The following LUZP2 variants were observed in gnomAD, a reference collection of about 807,000 sequenced individuals.
LUZP2 encodes leucine zipper protein 2.
A neutral mutation model predicts 51.6 loss-of-function variants in LUZP2; 52 were observed. The ratio of observed to expected loss-of-function variants is 1.01; its 90% CI spans 0.81 to 1.27. The LOEUF is 1.27. Among genes scored for constraint, LUZP2 ranks in the 50% most tolerant of loss-of-function variants. LUZP2 has a pLI of 0.00. For synonymous variants in LUZP2, 154 were observed against 137.3 expected, an observed-to-expected ratio of 1.12 and a Z score of -0.85; for missense variants, 436 against 395.4, an observed-to-expected ratio of 1.10 and a Z score of -0.87.
At chr11:24,640,104 T>C (rs542690295) in intron 1 of LUZP2, among the ~76,000 whole-genome samples, 64 of 152,014 alleles carry the variant, frequency 4.2e-4, no homozygotes, top group Admixed American at 7.2e-4. Context: ...TTGACATCTG[T>C]ATTTCAAAGA....
chr11:24,982,993 A>G, intron 8 of LUZP2, 133 bp from the exon 9 acceptor site: 1 of 783,834 alleles, frequency 1.3e-6, no homozygotes, highest in Non-Finnish European at 2.0e-6. Flanking sequence ...TGAAATTTAT[A>G]AATTAGGCAA....
intron 7 of LUZP2, among the ~76,000 whole-genome samples, chr11:24,970,390 T>C (rs1855709139): frequency 6.6e-6 from 1 of 152,162 alleles, no homozygotes; most frequent in Non-Finnish European, 1.5e-5. Context: ...CAGAGGAAAG[T>C]AAGGTATAGT....
intron 4 of LUZP2, among the ~76,000 whole-genome samples, chr11:24,749,105 G>A (rs1392410508): frequency 6.6e-6 from 1 of 152,174 alleles, no homozygotes; most frequent in African/African-American, 2.4e-5. Context: ...TAAGGATGTA[G>A]TTAGAAAATG....
chr11:24,926,407 A>ATATATG (rs1854259135), intron 7 of LUZP2, among the ~76,000 whole-genome samples: 1 of 113,138 alleles, frequency 8.8e-6, no homozygotes, highest in African/African-American at 3.5e-5. Flanking sequence ...ATATATATAT[A>ATATATG]CGTGTGTATA....
At chr11:24,535,189 C>G (rs1170359102) in intron 1 of LUZP2, among the ~76,000 whole-genome samples, 1 of 150,528 alleles carries the variant, frequency 6.6e-6, no homozygotes, top group Non-Finnish European at 1.5e-5. Context: ...TTCCTAAATC[C>G]TGTTTTGCTA....
chr11:24,976,948 A>G (rs1590796278), intron 8 of LUZP2, among the ~76,000 whole-genome samples: 1 of 151,782 alleles, frequency 6.6e-6, no homozygotes, highest in African/African-American at 2.4e-5. Context: ...AATACCATGA[A>G]TAAACATGCT....
chr11:24,974,734 G>A (rs1227568415), intron 7 of LUZP2, among the ~76,000 whole-genome samples: 1 of 151,936 alleles, frequency 6.6e-6, no homozygotes, highest in Non-Finnish European at 1.5e-5. Context: ...ACGATAAGAA[G>A]AAAATTATGC....
intron 3 of LUZP2, among the ~76,000 whole-genome samples, chr11:24,736,982 C>T (rs1471130739): frequency 6.6e-6 from 1 of 152,014 alleles, no homozygotes; most frequent in African/African-American, 2.4e-5. Flanking sequence ...CTTTCTTTCT[C>T]ATTCTTGAAA....
chr11:24,929,316 CTATT>C (rs1289792918), intron 7 of LUZP2, among the ~76,000 whole-genome samples: 2 of 151,918 alleles, frequency 1.3e-5, no homozygotes, highest in African/African-American at 2.4e-5. Context: ...CTTAGATTGT[CTATT>C]TGTGCTTTTC....
chr11:24,908,327 G>A (rs1199539071), intron 6 of LUZP2, among the ~76,000 whole-genome samples: 1 of 152,066 alleles, frequency 6.6e-6, no homozygotes, highest in African/African-American at 2.4e-5. Flanking sequence ...GTTTGAACAT[G>A]AAATTATAAG....
At position 24,543,836 on chromosome 11, in the gene LUZP2, A is replaced by AAAAAAAAAC. The variant is rs1851456286; in HGVS notation, c.62+46539_62+46540insCAAAAAAAA. Among the ~76,000 whole-genome samples the AAAAAAAAAC allele has an allele frequency of 4.0e-5, 6 of 151,036 alleles. No individual in the cohort carries two copies. The South Asian group carries it at 1.3e-3, about 32-fold the overall frequency. ...GACTCTGTCTCACAAAAAAAAAAAA[A>AAAAAAAAAC]AAAAAAAAAGATGGATCAAGGGACT... On this transcript the variant is annotated intron_variant, in intron 1 of 11. Transcript: ENST00000336930.
intron 10 of LUZP2, among the ~76,000 whole-genome samples, chr11:25,068,164 TG>T (rs1308397108): frequency 2.0e-5 from 3 of 151,676 alleles, no homozygotes; most frequent in Non-Finnish European, 4.4e-5. Flanking sequence ...GGGGGCCTGT[TG>T]GGGGCTGGGG....
At chr11:24,897,519 G>A (rs1029899181) in intron 5 of LUZP2, among the ~76,000 whole-genome samples, 2 of 151,978 alleles carry the variant, frequency 1.3e-5, no homozygotes, top group Non-Finnish European at 2.9e-5. Flanking sequence ...CCGAGGCGCT[G>A]CATTAAGAGC....
At chr11:24,740,788 G>T (rs1859107609) in intron 4 of LUZP2, among the ~76,000 whole-genome samples, 1 of 152,072 alleles carries the variant, frequency 6.6e-6, no homozygotes, top group Non-Finnish European at 1.5e-5. Context: ...TTAGCTGAAT[G>T]AATATAAGCA....
At chr11:24,759,441 A>G (rs982818204) in intron 4 of LUZP2, among the ~76,000 whole-genome samples, 9 of 152,120 alleles carry the variant, frequency 5.9e-5, no homozygotes, top group African/African-American at 1.9e-4. Context: ...AATATATTTT[A>G]TGTCTTGAAT....
rs185602633 is a variant in LUZP2 at position 24,976,560 on chromosome 11, T to A, written c.523-31T>A. On this transcript the variant is annotated intron_variant, in intron 7 of 11. Transcript: ENST00000336930. ...AAAGTACAGAGGGAAATTGCAGAAT[T>A]TATCTAGAAGATTTATCTCTTATTT... The A allele has an allele frequency of 2.6e-5, 39 of 1,503,908 alleles. No homozygotes were observed. The African/African-American group carries it at 5.6e-4, about 22-fold the overall frequency. 93.2% of individuals were successfully genotyped at this position (1,503,908 alleles called of 1,614,324 possible). A position where few individuals can be genotyped will look rare whatever the true frequency, so the allele number is the denominator to read the frequency against.
At chr11:24,608,294 A>G (rs1474028771) in intron 1 of LUZP2, among the ~76,000 whole-genome samples, 1 of 152,248 alleles carries the variant, frequency 6.6e-6, no homozygotes, top group East Asian at 1.9e-4. Context: ...CAGAGTGAGT[A>G]TAATTCTACA....
At chr11:24,781,717 T>A (rs1473800779) in intron 5 of LUZP2, among the ~76,000 whole-genome samples, 1 of 152,066 alleles carries the variant, frequency 6.6e-6, no homozygotes, top group Non-Finnish European at 1.5e-5. Flanking sequence ...GAAAGGAAGT[T>A]TTTTTTAATA....
intron 9 of LUZP2, among the ~76,000 whole-genome samples, chr11:24,985,455 T>C (rs1291693386): frequency 1.3e-5 from 2 of 151,806 alleles, no homozygotes; most frequent in African/African-American, 4.8e-5. Flanking sequence ...GGATCTGATC[T>C]GCATTTTGCG....
Sources: gnomAD v4.1 joint callset for allele counts (sites outside exome capture counted in the v4.1 genomes callset) on GRCh38, gnomAD v4.1.1 for gene constraint, MANE v1.5 for transcripts, NCBI Gene and HGNC (gene_info 2026-07-23, HGNC 2026-07-21) for gene names.